Variants in INO80 observed in about 807,000 individuals in gnomAD.
The protein encoded by INO80 is INO80 complex ATPase subunit.
INO80 carries 20 observed loss-of-function variants against 203.4 expected under a neutral mutation model. The observed-to-expected ratio is 0.10, with a 90% CI of 0.07 to 0.14. INO80 has a LOEUF of 0.14. Among genes scored for constraint, INO80 ranks in the 10% least tolerant of loss-of-function variants. The probability of loss-of-function intolerance (pLI) is 1.00; values close to 1 mark genes in which losing one functional copy is unlikely to be tolerated. For missense variants in INO80, 1,419 were observed against 1,914.4 expected (o/e 0.74, Z 4.83); for synonymous variants, 726 against 685.2 (o/e 1.06, Z -0.93).
intron 1 of INO80, among the ~76,000 whole-genome samples, chr15:41,113,454 G>A (rs1157690250): frequency 6.6e-6 from 1 of 151,928 alleles, no homozygotes; most frequent in East Asian, 1.9e-4. Flanking sequence ...TTTTGGTAGA[G>A]TCAGAGTTTA....
At chr15:41,030,467 G>A (rs182429614) in intron 24 of INO80, among the ~76,000 whole-genome samples, 4 of 151,740 alleles carry the variant, frequency 2.6e-5, no homozygotes, top group Non-Finnish European at 2.9e-5. Flanking sequence ...AGGTTCAAGC[G>A]ATTCTCCCAC....
chr15:41,013,073 T>TAAAACAACAAC (rs1596258471), intron 27 of INO80: 1 of 16,982 alleles, frequency 5.9e-5, no homozygotes. Flanking sequence ...CTAAGGCACA[T>TAAAACAACAAC]AACAACAACA....
At chr15:41,049,757 G>A (rs2044833623) in intron 20 of INO80, among the ~76,000 whole-genome samples, 178 bp downstream of exon 20, 1 of 152,106 alleles carries the variant, frequency 6.6e-6, no homozygotes, top group Non-Finnish European at 1.5e-5. Context: ...GTGGTGGCAG[G>A]CTCCTGTAGT....
intron 13 of INO80, among the ~76,000 whole-genome samples, chr15:41,069,962 T>C (rs2140589603): frequency 6.6e-6 from 1 of 152,380 alleles, no homozygotes; most frequent in East Asian, 1.9e-4. Context: ...ATACTAGTTA[T>C]CCGACAATCT....
intron 1 of INO80, among the ~76,000 whole-genome samples, chr15:41,111,455 ATTT>A (rs932000598): frequency 1.3e-5 from 2 of 150,166 alleles, no homozygotes; most frequent in Non-Finnish European, 3.0e-5. Flanking sequence ...AAAAAAAAGA[ATTT>A]TTTTTTTAAT....
chr15:41,048,756 G>A (rs868805851), intron 21 of INO80, among the ~76,000 whole-genome samples: 1 of 152,116 alleles, frequency 6.6e-6, no homozygotes, highest in Non-Finnish European at 1.5e-5. Context: ...AAAAACCTCT[G>A]GGAACTTGTT....
At chr15:41,099,355 G>A (rs528647951) in intron 1 of INO80, among the ~76,000 whole-genome samples, 6 of 150,966 alleles carry the variant, frequency 4.0e-5, no homozygotes, top group African/African-American at 1.5e-4. Flanking sequence ...CCATTGTGGC[G>A]ATAGTTCCAC....
rs148321948 is a variant in INO80, at chr15:41,114,278, A to C, written c.-44+1695T>G. ...CCAGACTCCGTCTCAAAAAACAAAA[A>C]AAAAAAAACATTCATTTTAAAGTCT... On this transcript the variant is annotated intron_variant, in intron 1 of 35. Transcript: ENST00000648947. Among the ~76,000 whole-genome samples, 1,085 of 151,990 alleles carry C rather than the reference A, an allele frequency of 7.1e-3. 4 individuals are homozygous for C. The highest frequency in any genetic ancestry group is 0.015 in the South Asian group (70 of 4,814).
intron 17 of INO80, among the ~76,000 whole-genome samples, chr15:41,055,896 C>T (rs576468021): frequency 6.6e-6 from 1 of 150,680 alleles, no homozygotes; most frequent in African/African-American, 2.4e-5. Context: ...CCTCCAAACT[C>T]TATAAAATAT....
chr15:41,092,978 T>C (rs529898807), intron 4 of INO80, among the ~76,000 whole-genome samples: 9 of 152,224 alleles, frequency 5.9e-5, no homozygotes, highest in African/African-American at 2.2e-4. Context: ...AAGGGTGCAG[T>C]GAGCTATGGC....
chr15:41,094,717 A>G (rs2045694731), intron 4 of INO80, among the ~76,000 whole-genome samples: 1 of 152,166 alleles, frequency 6.6e-6, no homozygotes, highest in African/African-American at 2.4e-5. Flanking sequence ...CATCTGATAA[A>G]TTTTTGTACT....
chr15:41,005,327 T>C (rs778152911), intron 28 of INO80: 1 of 336,438 alleles, frequency 3.0e-6, no homozygotes, highest in African/African-American at 2.1e-5. Context: ...ATGATTTCTT[T>C]TATTATCCAA....
Position 41,079,773 on chromosome 15 carries a change from T to C in INO80, c.1059A>G (p.Val353=). The part of the protein sequence containing the change: ...MLLYWKKYEK[V]EKEHRKRAEK... Reference sequence around the variant, plus strand: ...CTGCTCTCTTGCGGTGCTCCTTCTCTACTTTCTCATATTTCTTCCAGTACA... The same window carrying C: ...CTGCTCTCTTGCGGTGCTCCTTCTCCACTTTCTCATATTTCTTCCAGTACA... The change falls in exon 9 of 36, where the codon GTA becomes GTG. Residue 353 remains valine (V), a synonymous_variant. Transcript: ENST00000648947. 1 of 1,614,154 alleles carries C rather than the reference T, an allele frequency of 6.2e-7. No individual in the cohort carries two copies.
At chr15:41,002,010 T>C (rs748978033) in intron 28 of INO80, among the ~76,000 whole-genome samples, 8 of 152,232 alleles carry the variant, frequency 5.3e-5, no homozygotes, top group Admixed American at 6.5e-5. Context: ...AGCATATGCA[T>C]AGTCCAGATT....
At chr15:41,037,729 G>C (rs2044601759) in intron 24 of INO80, among the ~76,000 whole-genome samples, 1 of 151,930 alleles carries the variant, frequency 6.6e-6, no homozygotes, top group Non-Finnish European at 1.5e-5. Context: ...GATCACTTGA[G>C]ACCAGGAGTT....
chr15:41,095,646 A>C lies in INO80; in HGVS notation c.336T>G (p.Asn112Lys), dbSNP rs755218187. 2 of 1,611,378 alleles carry C rather than the reference A, an allele frequency of 1.2e-6. No individual in the cohort carries two copies. The highest frequency in any genetic ancestry group is 2.2e-5 in the South Asian group (2 of 90,968). Reference sequence around the variant, plus strand: ...TCTTCAGCTTAGAGAAATTATATAAATTCCCCTTATCACATTTTGATTCTG... The same window carrying C: ...TCTTCAGCTTAGAGAAATTATATAACTTCCCCTTATCACATTTTGATTCTG... Reference protein sequence around the residue: ...LQSESKCDKGNLYNFSKLKKS... With the variant: ...LQSESKCDKGKLYNFSKLKKS... Residue 112 changes from asparagine (N) to lysine (K), a missense_variant, in exon 4 of 36, where the codon AAT becomes AAG. Physicochemically the swap from Asn to Lys is moderately conservative, Grantham distance 94. Around this residue, in one of 9 missense-constraint regions of INO80, gnomAD observed 323 missense variants for 325.4 expected, o/e 0.99. Transcript: ENST00000648947.
chr15:41,023,152 C>T, intron 25 of INO80: 1 of 360,056 alleles, frequency 2.8e-6, no homozygotes, highest in Non-Finnish European at 5.5e-6. Flanking sequence ...TTCTTGCTTC[C>T]AACTTATTCA....
At chr15:41,045,818 T>C (rs2044747982) in intron 23 of INO80, among the ~76,000 whole-genome samples, 1 of 151,694 alleles carries the variant, frequency 6.6e-6, no homozygotes, top group Non-Finnish European at 1.5e-5. Flanking sequence ...GGAGAATAAC[T>C]TGAACCCAGG....
chr15:41,096,672 C>T (rs1192170627), intron 1 of INO80, among the ~76,000 whole-genome samples: 1 of 152,090 alleles, frequency 6.6e-6, no homozygotes, highest in African/African-American at 2.4e-5. Context: ...TAAAAAATTA[C>T]CCAAAACTAT....
Sources: allele counts gnomAD v4.1 joint callset (sites outside exome capture counted in the v4.1 genomes callset), GRCh38; gene constraint gnomAD v4.1.1; regional missense constraint gnomAD v4.1.1; transcripts MANE v1.5; gene names NCBI Gene and HGNC (gene_info 2026-07-23, HGNC 2026-07-21).